THBS2: variants seen among roughly 807,000 people sequenced by gnomAD.
THBS2 encodes thrombospondin 2.
A neutral mutation model predicts 135.2 loss-of-function variants in THBS2; 47 were observed. The ratio of observed to expected loss-of-function variants is 0.35; its 90% CI spans 0.28 to 0.44. The LOEUF (loss-of-function observed/expected upper bound fraction) is 0.44, where lower values mean the gene tolerates loss of function less well. Among genes scored for constraint, THBS2 ranks in the 20% least tolerant of loss-of-function variants. THBS2 has a pLI of 1.00. For synonymous variants in THBS2, 639 were observed against 633.8 expected (o/e 1.01, Z -0.12); for missense variants, 1,288 against 1,603.1 (o/e 0.80, Z 3.36).
In THBS2 at chr6:169,241,181, GT is replaced by G. The variant is rs1419103722; in HGVS notation, c.891+580del. On this transcript the variant is annotated intron_variant, in intron 5 of 21. Coordinates refer to ENST00000617924, the MANE Select transcript of THBS2 (RefSeq NM_003247.5). This position sits in a 1 kb window ranked among gnomAD's most constrained non-coding sequence, Gnocchi z 5.5. ...CTGCACCCTGGTTAGCCATGTGTAT[GT>G]TGTGGGGCACCGTGGCCCGGAGCAC... is the stretch of plus-strand genomic sequence containing the variant. Among the ~76,000 whole-genome samples the G allele has an allele frequency of 1.3e-4, 20 of 152,274 alleles. No individual in the cohort carries two copies. Among genetic ancestry groups the G allele is most frequent in the African/African-American group, 4.6e-4 (19 of 41,548 alleles).
chr6:169,251,570 G>T (rs1780755255), intron 1 of THBS2, among the ~76,000 whole-genome samples: 1 of 152,116 alleles, frequency 6.6e-6, no homozygotes, highest in Non-Finnish European at 1.5e-5. Context: ...TGAGCCTGAG[G>T]GTCCCAGGGC....
chr6:169,219,414 A>C (rs74779368), intron 21 of THBS2, among the ~76,000 whole-genome samples: 3,563 of 151,628 alleles, frequency 0.023, 138 homozygotes, highest in African/African-American at 0.081. Context: ...GATGGATGAG[A>C]TATATGGGTG....
chr6:169,243,485 T>C (rs1446987080), intron 4 of THBS2, among the ~76,000 whole-genome samples: 1 of 152,168 alleles, frequency 6.6e-6, no homozygotes, highest in Non-Finnish European at 1.5e-5. Flanking sequence ...AGGAAAGACT[T>C]AGACATTTTA....
At chr6:169,235,900 A>C (rs1583413294) in intron 9 of THBS2, among the ~76,000 whole-genome samples, 2 of 50,602 alleles carry the variant, frequency 4.0e-5, no homozygotes, top group Non-Finnish European at 3.6e-5. Flanking sequence ...TCCCTCCCCC[A>C]TCCACACTCT....
Position 169,221,438 on chromosome 6 carries a change from G to C in THBS2, c.3363C>G (p.Gly1121=). The C allele has an allele frequency of 6.2e-7, 1 of 1,613,926 alleles. No homozygotes were observed. The highest frequency in any genetic ancestry group is 8.5e-7 in the Non-Finnish European group (1 of 1,179,966). The change falls in exon 20 of 22, where the codon GGC becomes GGG. Residue 1121 remains glycine (G), a synonymous_variant. Transcript: ENST00000617924. ...RWHLTHRPKT[G]YIRVLVHEGK... is the part of the protein sequence containing the mutation. ...TGCTGACCTGCCCTCACCTGATGTA[G>C]CCAGTCTTGGGCCTGTGAGTCAGGT...
chr6:169,237,147 GGCCCCGCCTTCACC>G lies in THBS2; in HGVS notation c.1477+9_1477+22del. On this transcript the variant is annotated intron_variant, in intron 9 of 21. Coordinates refer to ENST00000617924, the MANE Select transcript of THBS2 (RefSeq NM_003247.5). ...GCTGCCTGCAAGCCCGCCCACCCAG[GGCCCCGCCTTCACC>G]GTACTTACTTGGGCATGGGGCGCCC... 1 of 1,585,598 alleles carries G rather than the reference GGCCCCGCCTTCACC, an allele frequency of 6.3e-7. No homozygotes were observed. Among genetic ancestry groups the G allele is most frequent in the Non-Finnish European group, 8.5e-7 (1 of 1,169,894 alleles).
chr6:169,233,705 C>T lies in THBS2; in HGVS notation c.1652-688G>A, dbSNP rs115439088. Among the ~76,000 whole-genome samples, 556 of 149,086 alleles carry T rather than the reference C, an allele frequency of 3.7e-3. 13 individuals carry two copies. The highest frequency in any genetic ancestry group is 0.013 in the African/African-American group (533 of 40,278). Reference sequence around the variant, plus strand: ...ACACCACACAACTACCTATGTGCCACGTTCCAGACCACACAACTACCCACA... The same window carrying T: ...ACACCACACAACTACCTATGTGCCATGTTCCAGACCACACAACTACCCACA... On this transcript the variant is annotated intron_variant, in intron 10 of 21. Coordinates refer to ENST00000617924, the MANE Select transcript of THBS2 (RefSeq NM_003247.5).
rs564367414 is a variant in THBS2, at chr6:169,228,036, G to T, written c.2419+86C>A. On this transcript the variant is annotated intron_variant, in intron 15 of 21. Transcript: ENST00000617924. ...GTGGAGATCGCAGTGAGCCAAGATG[G>T]TGCTACTGCCCTGGGCAACAATAGT... The T allele has an allele frequency of 4.7e-5, 69 of 1,464,388 alleles. No individual in the cohort carries two copies. In the African/African-American group the frequency reaches 7.8e-4, roughly 17 times the overall value. The allele number at this position is 1,464,388 out of a possible 1,614,324, so 90.7% of individuals were successfully genotyped here.
In THBS2 at chr6:169,246,163, A is replaced by T. The variant is rs747897347; in HGVS notation, c.694+34T>A. On this transcript the variant is annotated intron_variant, in intron 4 of 21. Coordinates refer to ENST00000617924, the MANE Select transcript of THBS2 (RefSeq NM_003247.5). ...GTCACAATAGAAATCCATCCAAGCC[A>T]GTATATAAAATGCATTTTTCACAAC... 7.7e-6 allele frequency: 12 copies of T among 1,553,358 alleles called. No homozygotes were observed. The African/African-American group carries it at 1.6e-4, about 21-fold the overall frequency.
intron 15 of THBS2, among the ~76,000 whole-genome samples, chr6:169,227,156 T>C (rs1330111788): frequency 6.6e-6 from 1 of 151,900 alleles, no homozygotes; most frequent in Non-Finnish European, 1.5e-5. Flanking sequence ...GAACAGCAGG[T>C]TGGGGTGGCT....
chr6:169,230,654 C>T (rs543007280), intron 13 of THBS2, among the ~76,000 whole-genome samples: 3 of 152,210 alleles, frequency 2.0e-5, no homozygotes, highest in South Asian at 2.1e-4. Context: ...ATACCATTTT[C>T]GAAGTTATTA....
rs547798035 is a variant in THBS2 at position 169,232,701 on chromosome 6, A to C, written c.1895T>G (p.Val632Gly). ...CPPRYRGNQPVGVGLEAAKTE... is the reference protein window; with the variant it reads ...CPPRYRGNQPGGVGLEAAKTE... ...CTTGGCTGCTTCCAGGCCGACCCCG[A>C]CGGGCTGGTTCCCTCTGTATCGGGG... is the stretch of plus-strand genomic sequence containing the variant. The change falls in exon 12 of 22, where the codon GTC becomes GGC. Residue 632 changes from valine (V) to glycine (G), a missense_variant. Physicochemically the swap from Val to Gly is moderately radical, Grantham distance 109. Transcript: ENST00000617924. The C allele has an allele frequency of 6.2e-7, 1 of 1,612,822 alleles. No homozygotes were observed. Among genetic ancestry groups the C allele is most frequent in the East Asian group, 2.2e-5 (1 of 44,880 alleles).
At chr6:169,245,653 G>A (rs1267311433) in intron 4 of THBS2, among the ~76,000 whole-genome samples, 2 of 151,996 alleles carry the variant, frequency 1.3e-5, no homozygotes, top group Non-Finnish European at 2.9e-5. Flanking sequence ...TTAGCTGGGT[G>A]TGGTGGCGGG....
At chr6:169,223,954 T>G (rs554747890) in intron 17 of THBS2, among the ~76,000 whole-genome samples, 180 of 152,306 alleles carry the variant, frequency 1.2e-3, no homozygotes, top group Non-Finnish European at 1.6e-3. Context: ...TTCCGCTGTT[T>G]AGTGGGTCCT....
intron 6 of THBS2, 115 bp from the exon 7 acceptor site, chr6:169,239,810 C>G: frequency 1.3e-6 from 1 of 760,372 alleles, no homozygotes. Context: ...ATCCTACGGA[C>G]CATACATTAC....
At chr6:169,236,058 C>T (rs1780040868) in intron 9 of THBS2, among the ~76,000 whole-genome samples, 1 of 120,582 alleles carries the variant, frequency 8.3e-6, no homozygotes, top group Non-Finnish European at 1.7e-5. Flanking sequence ...CACACTCACT[C>T]CCCATCCACA....
At chr6:169,223,950 T>G (rs12663769) in intron 17 of THBS2, among the ~76,000 whole-genome samples, 20,484 of 152,228 alleles carry the variant, frequency 0.13, 1,610 homozygotes, top group Admixed American at 0.25. Context: ...GGACTTCCGC[T>G]GTTTAGTGGG....
chr6:169,233,505 A>C (rs1779925788), intron 10 of THBS2, among the ~76,000 whole-genome samples: 1 of 151,088 alleles, frequency 6.6e-6, no homozygotes, highest in Non-Finnish European at 1.5e-5. Context: ...ACCTTCCACA[A>C]CACACAACTA....
At chr6:169,222,123 G>T (rs1386864636) in intron 19 of THBS2, 74 bp downstream of exon 19, 2 of 1,502,110 alleles carry the variant, frequency 1.3e-6, no homozygotes, top group Non-Finnish European at 1.8e-6. Flanking sequence ...CTCTGGACTG[G>T]GCTAGTCCTG....
Sources: allele counts gnomAD v4.1 joint callset (sites outside exome capture counted in the v4.1 genomes callset), GRCh38; gene constraint gnomAD v4.1.1; non-coding constraint Gnocchi (gnomAD v3.1); transcripts MANE v1.5; gene names NCBI Gene and HGNC (gene_info 2026-07-23, HGNC 2026-07-21).